The following GARS1 variants were observed in gnomAD, a reference collection of about 807,000 sequenced individuals.
The protein encoded by GARS1 is glycyl-tRNA synthetase 1.
GARS1 carries 46 observed loss-of-function variants against 86.4 expected under a neutral mutation model. The ratio of observed to expected loss-of-function variants is 0.53; its 90% CI spans 0.42 to 0.68. GARS1 has a LOEUF of 0.68. GARS1 is among the 30% of genes least tolerant of loss of function. The probability of loss-of-function intolerance (pLI) is 0.00; values close to 1 mark genes in which losing one functional copy is unlikely to be tolerated. For missense variants in GARS1, 797 were observed against 915.6 expected, an observed-to-expected ratio of 0.87 and a Z score of 1.67; for synonymous variants, 342 against 329.8, an observed-to-expected ratio of 1.04 and a Z score of -0.40.
intron 1 of GARS1, among the ~76,000 whole-genome samples, chr7:30,598,498 C>T (rs979145863): frequency 6.6e-6 from 1 of 150,462 alleles, no homozygotes; most frequent in African/African-American, 2.4e-5. Context: ...AAGTGATTCT[C>T]CTGCCTCAGC....
At position 30,626,086 on chromosome 7, in the gene GARS1, T is replaced by C; in HGVS notation, c.1614-148T>C. On this transcript the variant is annotated intron_variant, in intron 12 of 16. Coordinates refer to ENST00000389266, the MANE Select transcript of GARS1 (RefSeq NM_002047.4). ...GCTTAATTTGGTGTTTCTTATGAAA[T>C]AATTTAAATTTGACATCACTTATTA... 6.5e-6 allele frequency: 4 copies of C among 612,304 alleles called. No individual in the cohort carries two copies. The South Asian group carries it at 7.6e-5, about 12-fold the overall frequency. 37.9% of individuals were successfully genotyped at this position (612,304 alleles called of 1,614,324 possible). A position where few individuals can be genotyped will look rare whatever the true frequency, so the allele number is the denominator to read the frequency against.
intron 13 of GARS1, among the ~76,000 whole-genome samples, chr7:30,627,834 G>A (rs530661610): frequency 6.6e-6 from 1 of 152,330 alleles, no homozygotes; most frequent in South Asian, 2.1e-4. Flanking sequence ...AATTGTTTTT[G>A]TGAATTTTGC....
chr7:30,598,144 G>A (rs1026484379), intron 1 of GARS1, among the ~76,000 whole-genome samples: 4 of 151,898 alleles, frequency 2.6e-5, no homozygotes, highest in African/African-American at 9.7e-5. Context: ...TTAAGAAGGT[G>A]GTCAATTTAT....
At chr7:30,615,407 A>G (rs868384688) in intron 8 of GARS1, among the ~76,000 whole-genome samples, 9 of 152,180 alleles carry the variant, frequency 5.9e-5, no homozygotes, top group Non-Finnish European at 1.2e-4. Flanking sequence ...AAGGAAAACC[A>G]TTTTATCTGC....
chr7:30,629,653 A>C (rs890110845), intron 14 of GARS1, among the ~76,000 whole-genome samples: 1 of 152,226 alleles, frequency 6.6e-6, no homozygotes, highest in African/African-American at 2.4e-5. Context: ...CCAGTACTTT[A>C]GTCTGACACA....
chr7:30,596,317 T>A (rs1791245123), intron 1 of GARS1, among the ~76,000 whole-genome samples: 1 of 152,214 alleles, frequency 6.6e-6, no homozygotes, highest in African/African-American at 2.4e-5. Flanking sequence ...CACCACGGGC[T>A]TAACTTTTTT....
intron 14 of GARS1, 68 bp from the exon 15 acceptor site, chr7:30,631,380 T>G: frequency 8.0e-7 from 1 of 1,245,582 alleles, no homozygotes; most frequent in African/African-American, 1.5e-5. Flanking sequence ...CTCTTTTGGT[T>G]TGGGATATTA....
chr7:30,617,319 A>C (rs780449029), intron 10 of GARS1, 41 bp downstream of exon 10: 2 of 1,602,752 alleles, frequency 1.2e-6, no homozygotes, highest in Non-Finnish European at 8.5e-7. Flanking sequence ...TCACATTGTT[A>C]ACTTAGAAGC....
At chr7:30,620,892 A>G (rs776468642) in intron 10 of GARS1, among the ~76,000 whole-genome samples, 2 of 152,228 alleles carry the variant, frequency 1.3e-5, no homozygotes, top group Non-Finnish European at 2.9e-5. Flanking sequence ...TCTGTTCACA[A>G]ATTTGAACCA....
intron 10 of GARS1, among the ~76,000 whole-genome samples, chr7:30,620,593 A>G (rs1056525412): frequency 6.6e-6 from 1 of 152,230 alleles, no homozygotes; most frequent in African/African-American, 2.4e-5. Context: ...GTTCTTTGAA[A>G]ATAATTTAAA....
chr7:30,611,064 T>C (rs903945149), intron 7 of GARS1, among the ~76,000 whole-genome samples: 10 of 152,248 alleles, frequency 6.6e-5, no homozygotes, highest in Non-Finnish European at 1.5e-4. Flanking sequence ...AAAATACTTA[T>C]TCTGAAGTAG....
chr7:30,595,834 A>T lies in GARS1; in HGVS notation c.222+691A>T, dbSNP rs758593942. On this transcript the variant is annotated intron_variant, in intron 1 of 16. Transcript: ENST00000389266. Reference sequence around the variant, plus strand: ...CTGGCTTCTGAAAAGGCCGTTTGGAACCAGTGAGCCCTCAGATCGTAAACC... The same window carrying T: ...CTGGCTTCTGAAAAGGCCGTTTGGATCCAGTGAGCCCTCAGATCGTAAACC... The T allele has an allele frequency of 1.3e-5, 6 of 471,148 alleles. No homozygotes were observed. The Middle Eastern group carries it at 1.3e-3, about 102-fold the overall frequency. 29.2% of individuals were successfully genotyped at this position (471,148 alleles called of 1,614,324 possible). A position where few individuals can be genotyped will look rare whatever the true frequency, so the allele number is the denominator to read the frequency against.
chr7:30,627,703 G>A (rs558874375), intron 13 of GARS1, among the ~76,000 whole-genome samples: 6 of 152,310 alleles, frequency 3.9e-5, no homozygotes, highest in Admixed American at 1.3e-4. Flanking sequence ...CCCTAAGGGC[G>A]TCCTGACCCC....
At chr7:30,612,743 G>A (rs1269780661) in intron 8 of GARS1, among the ~76,000 whole-genome samples, 1 of 151,932 alleles carries the variant, frequency 6.6e-6, no homozygotes, top group East Asian at 1.9e-4. Context: ...GTATTTGGGG[G>A]GCCTATATGA....
Position 30,599,896 on chromosome 7 carries a change from A to G in GARS1, c.325-51A>G, listed in dbSNP as rs1791337618. ...AAACTAAATTCAGATATATAAGTTC[A>G]GATTCCCACCCACCCCTCCACTCAC... On this transcript the variant is annotated intron_variant, in intron 2 of 16. Coordinates refer to ENST00000389266, the MANE Select transcript of GARS1 (RefSeq NM_002047.4). The G allele has an allele frequency of 1.0e-5, 12 of 1,171,034 alleles. No individual in the cohort carries two copies. The East Asian group carries it at 2.8e-4, about 27-fold the overall frequency. 72.5% of individuals were successfully genotyped at this position (1,171,034 alleles called of 1,614,324 possible). A position where few individuals can be genotyped will look rare whatever the true frequency, so the allele number is the denominator to read the frequency against.
chr7:30,603,277 A>T (rs1341689386), intron 5 of GARS1, among the ~76,000 whole-genome samples, 155 bp downstream of exon 5: 3 of 152,230 alleles, frequency 2.0e-5, no homozygotes, highest in African/African-American at 7.2e-5. Flanking sequence ...TTATTTTTTA[A>T]AAAAGTTATA....
At chr7:30,631,272 A>G in intron 14 of GARS1, 176 bp from the exon 15 acceptor site, 1 of 521,086 alleles carries the variant, frequency 1.9e-6, no homozygotes, top group East Asian at 3.7e-5. Context: ...GGTGTTTCTG[A>G]TGCTGGTTCT....
intron 9 of GARS1, among the ~76,000 whole-genome samples, chr7:30,616,599 G>A (rs1162243596): frequency 6.6e-6 from 1 of 152,210 alleles, no homozygotes; most frequent in Non-Finnish European, 1.5e-5. Flanking sequence ...ACGATAGCTT[G>A]TCAGCCACTT....
chr7:30,599,333 G>T (rs1196286041), intron 2 of GARS1, among the ~76,000 whole-genome samples: 1 of 152,108 alleles, frequency 6.6e-6, no homozygotes, highest in Admixed American at 6.5e-5. Flanking sequence ...TAACCATTTT[G>T]CTATAGCAAT....
Sources: allele counts gnomAD v4.1 joint callset (sites outside exome capture counted in the v4.1 genomes callset), GRCh38; gene constraint gnomAD v4.1.1; transcripts MANE v1.5; gene names NCBI Gene and HGNC (gene_info 2026-07-23, HGNC 2026-07-21).